Variants in OSBPL6 observed in about 807,000 individuals in gnomAD.
OSBPL6 encodes the protein oxysterol binding protein like 6, also known as oxysterol-binding protein-related protein 6.
Under a neutral mutation model 125.8 loss-of-function variants are expected in OSBPL6, and 49 were observed. That is an observed-to-expected ratio of 0.39 (90% CI 0.31 to 0.49). The LOEUF (loss-of-function observed/expected upper bound fraction) is 0.49, where lower values mean the gene tolerates loss of function less well. OSBPL6 is among the 20% of genes least tolerant of loss of function. The pLI, the probability that OSBPL6 is intolerant of heterozygous loss-of-function variation, is 0.88. For missense variants in OSBPL6, 986 were observed against 1,135.4 expected, an observed-to-expected ratio of 0.87 and a Z score of 1.89; for synonymous variants, 394 against 391.8, an observed-to-expected ratio of 1.01 and a Z score of -0.07.
At chr2:178,375,202 T>C (rs1312618894) in intron 15 of OSBPL6, among the ~76,000 whole-genome samples, 1 of 152,166 alleles carries the variant, frequency 6.6e-6, no homozygotes, top group Non-Finnish European at 1.5e-5. Context: ...ATGAGTAAAC[T>C]TAAGGCTACA....
intron 1 of OSBPL6, among the ~76,000 whole-genome samples, chr2:178,201,927 A>G (rs2089282018): frequency 6.6e-6 from 1 of 152,210 alleles, no homozygotes. Flanking sequence ...CAGCTTTAAG[A>G]TCAAGTCACA....
chr2:178,348,060 C>T (rs1371041249), intron 11 of OSBPL6, among the ~76,000 whole-genome samples: 5 of 152,186 alleles, frequency 3.3e-5, no homozygotes, highest in Non-Finnish European at 5.9e-5. Flanking sequence ...CCATCTCTTC[C>T]ATGTGTCCTC....
chr2:178,275,591 A>G (rs1322727243), intron 1 of OSBPL6, among the ~76,000 whole-genome samples: 1 of 152,118 alleles, frequency 6.6e-6, no homozygotes, highest in Non-Finnish European at 1.5e-5. Context: ...TTGCAATGGA[A>G]TCGACAGTAG....
At chr2:178,273,112 G>C (rs1020562929) in intron 1 of OSBPL6, among the ~76,000 whole-genome samples, 1 of 152,172 alleles carries the variant, frequency 6.6e-6, no homozygotes, top group Non-Finnish European at 1.5e-5. Context: ...AATGCACAGA[G>C]TGGGTAAAGA....
intron 13 of OSBPL6, among the ~76,000 whole-genome samples, chr2:178,369,181 A>C (rs1371927868): frequency 1.3e-5 from 2 of 152,222 alleles, no homozygotes; most frequent in African/African-American, 4.8e-5. Context: ...AAGAGAGAAC[A>C]GGGTTTCAAC....
At chr2:178,287,013 A>G (rs1684757678) in intron 2 of OSBPL6, among the ~76,000 whole-genome samples, 1 of 152,142 alleles carries the variant, frequency 6.6e-6, no homozygotes, top group African/African-American at 2.4e-5. Context: ...AAATGTTTAT[A>G]TGGTAATAAA....
chr2:178,306,377 T>G, intron 3 of OSBPL6, 91 bp downstream of exon 3: 4 of 803,770 alleles, frequency 5.0e-6, no homozygotes, highest in Non-Finnish European at 6.3e-6. Flanking sequence ...TCTGAAATTT[T>G]GTTGTAAAGT....
chr2:178,273,827 A>G (rs986829542), intron 1 of OSBPL6, among the ~76,000 whole-genome samples: 3 of 152,258 alleles, frequency 2.0e-5, no homozygotes, highest in South Asian at 2.1e-4. Flanking sequence ...TACAGCATAC[A>G]CTTATTTTGA....
chr2:178,336,566 T>A (rs1051124660), intron 9 of OSBPL6, 133 bp downstream of exon 9: 273 of 1,003,342 alleles, frequency 2.7e-4, no homozygotes, highest in Non-Finnish European at 2.7e-4. Context: ...TTGCTCTTTC[T>A]CCCCCTTGTT....
At chr2:178,359,511 A>T (rs566955715) in intron 12 of OSBPL6, among the ~76,000 whole-genome samples, 3 of 152,076 alleles carry the variant, frequency 2.0e-5, no homozygotes, top group Non-Finnish European at 4.4e-5. Flanking sequence ...TAAAATAATT[A>T]AAAATAGAAC....
At chr2:178,361,592 T>C in intron 12 of OSBPL6, 90 bp from the exon 13 acceptor site, 1 of 1,498,998 alleles carries the variant, frequency 6.7e-7, no homozygotes, top group Non-Finnish European at 9.1e-7. Context: ...AAAATGCCTA[T>C]TTGTGAGTGA....
intron 1 of OSBPL6, among the ~76,000 whole-genome samples, chr2:178,265,656 C>A (rs112822143): frequency 2.0e-5 from 3 of 152,210 alleles, no homozygotes; most frequent in African/African-American, 7.2e-5. Context: ...AGCATGGCAG[C>A]CTTTTGGTGG....
rs150762564 is a variant in OSBPL6, at chr2:178,243,202, A to G, written c.-350-41725A>G. ...TCCCATCCCATTGGCCTGCTCCTTG[A>G]CATGGGAGTGGAAGATATCCAGAGG... On this transcript the variant is annotated intron_variant, in intron 1 of 24. Transcript: ENST00000190611. Among the ~76,000 whole-genome samples, 178 of 152,282 alleles carry G rather than the reference A, an allele frequency of 1.2e-3. 2 individuals are homozygous for G. Among genetic ancestry groups the G allele is most frequent in the African/African-American group, 4.2e-3 (175 of 41,548 alleles).
chr2:178,328,776 C>T (rs1688929739), intron 5 of OSBPL6, among the ~76,000 whole-genome samples: 1 of 152,176 alleles, frequency 6.6e-6, no homozygotes, highest in Non-Finnish European at 1.5e-5. Context: ...GTGTGAGCCA[C>T]CACACCCGGC....
At position 178,395,772 on chromosome 2, in the gene OSBPL6, TAAAAAAAAAA is replaced by T. The variant is rs746653123; in HGVS notation, c.*232_*241del. 72 of 243,408 alleles carry T rather than the reference TAAAAAAAAAA, an allele frequency of 3.0e-4. 1 individual carries two copies. The highest frequency in any genetic ancestry group is 2.2e-3 in the Middle Eastern group (2 of 892). 15.1% of individuals were successfully genotyped at this position (243,408 alleles called of 1,614,324 possible). On this transcript the variant is annotated 3_prime_UTR_variant, in exon 25 of 25. Coordinates refer to ENST00000190611, the MANE Select transcript of OSBPL6 (RefSeq NM_032523.4). Reference sequence around the variant, plus strand: ...TCTGTTTTGCTGCAACCATATTCCTTAAAAAAAAAAAAAAAAAAAAAAAAAAAATCCACAC... The same window carrying T: ...TCTGTTTTGCTGCAACCATATTCCTTAAAAAAAAAAAAAAAAAATCCACAC...
At chr2:178,203,149 A>G (rs1251864334) in intron 1 of OSBPL6, among the ~76,000 whole-genome samples, 1 of 151,958 alleles carries the variant, frequency 6.6e-6, no homozygotes, top group Non-Finnish European at 1.5e-5. Flanking sequence ...TTCACTTTGG[A>G]TAGTTTCTAT....
At chr2:178,212,706 GA>G (rs1331789575) in intron 1 of OSBPL6, among the ~76,000 whole-genome samples, 2 of 152,154 alleles carry the variant, frequency 1.3e-5, no homozygotes, top group African/African-American at 2.4e-5. Flanking sequence ...CCTTTTCAGT[GA>G]AAGTATGCAA....
chr2:178,232,543 TG>T (rs2090878279), intron 1 of OSBPL6, among the ~76,000 whole-genome samples: 1 of 152,210 alleles, frequency 6.6e-6, no homozygotes, highest in African/African-American at 2.4e-5. Flanking sequence ...GTAGTCGTGA[TG>T]GCTAAATCAA....
intron 15 of OSBPL6, among the ~76,000 whole-genome samples, chr2:178,379,294 AAG>A (rs1694201159): frequency 1.4e-5 from 2 of 142,040 alleles, no homozygotes; most frequent in Non-Finnish European, 1.6e-5. Context: ...AAAAGAAAGA[AAG>A]AAGAAAGAAA....
Sources: allele counts gnomAD v4.1 joint callset (sites outside exome capture counted in the v4.1 genomes callset), GRCh38; gene constraint gnomAD v4.1.1; transcripts MANE v1.5; gene names NCBI Gene and HGNC (gene_info 2026-07-23, HGNC 2026-07-21).